MIPOL1: variants seen among roughly 807,000 people sequenced by gnomAD.
MIPOL1 encodes the protein mirror-image polydactyly 1.
In MIPOL1, 57 loss-of-function variants were observed where a neutral mutation model predicts 60.9. The ratio of observed to expected loss-of-function variants is 0.94; its 90% CI spans 0.76 to 1.17. The LOEUF (loss-of-function observed/expected upper bound fraction) is 1.17. Ranked by LOEUF, MIPOL1 falls within the 50% of genes most tolerant of loss-of-function variation. MIPOL1 has a pLI of 0.00. For synonymous variants in MIPOL1, 179 were observed against 168.8 expected (o/e 1.06, Z -0.47); for missense variants, 551 against 511.6 (o/e 1.08, Z -0.74).
At chr14:37,517,049 C>A (rs956691707) in intron 12 of MIPOL1, among the ~76,000 whole-genome samples, 1 of 152,052 alleles carries the variant, frequency 6.6e-6, no homozygotes, top group African/African-American at 2.4e-5. Flanking sequence ...GGGGAGGCAA[C>A]TTAGTATCGA....
chr14:37,356,683 G>A lies in MIPOL1; in HGVS notation c.829-12834G>A, dbSNP rs558816659. On this transcript the variant is annotated intron_variant, in intron 9 of 12. Coordinates refer to ENST00000684589, the MANE Select transcript of MIPOL1 (RefSeq NM_001388067.1). ...TGACCCGATTTTCCAGGTGCCGTCC[G>A]TCACCCCTTTCTTTGACTCGGAAAG... Among the ~76,000 whole-genome samples, 28 of 152,272 alleles carry A rather than the reference G, an allele frequency of 1.8e-4. No individual in the cohort carries two copies. In the South Asian group the frequency reaches 1.9e-3, roughly 10 times the overall value.
At position 37,266,962 on chromosome 14, in the gene MIPOL1, A is replaced by G; in HGVS notation, c.44A>G (p.Gln15Arg). The G allele has an allele frequency of 6.2e-7, 1 of 1,612,780 alleles. No individual in the cohort carries two copies. The highest frequency in any genetic ancestry group is 8.5e-7 in the Non-Finnish European group (1 of 1,179,260). The change falls in exon 4 of 13, where the codon CAA (glutamine) becomes CGA (arginine). Residue 15 changes from glutamine to arginine, a missense_variant. Coordinates refer to ENST00000684589, the MANE Select transcript of MIPOL1 (RefSeq NM_001388067.1). ...SKDITHSYLE[Q>R]ETTGINKSTQ... ...GACATAACCCACAGTTATCTTGAAC[A>G]AGAAACTACGGGGATAAATAAAAGT... is the stretch of plus-strand genomic sequence containing the variant.
intron 3 of MIPOL1, among the ~76,000 whole-genome samples, chr14:37,263,905 T>C (rs1171284957): frequency 6.6e-6 from 1 of 152,210 alleles, no homozygotes; most frequent in Non-Finnish European, 1.5e-5. Flanking sequence ...AAAGTGAATA[T>C]CTTTCTGTTT....
intron 3 of MIPOL1, among the ~76,000 whole-genome samples, chr14:37,254,619 A>G (rs748674494): frequency 2.0e-5 from 3 of 151,802 alleles, no homozygotes; most frequent in Non-Finnish European, 3.0e-5. Context: ...CAGTGAACTA[A>G]TCCATAAATT....
chr14:37,204,654 G>A (rs1326770432), intron 1 of MIPOL1, among the ~76,000 whole-genome samples: 1 of 152,130 alleles, frequency 6.6e-6, no homozygotes, highest in African/African-American at 2.4e-5. Flanking sequence ...GGAACTGCGA[G>A]CCCATTAAAC....
intron 1 of MIPOL1, among the ~76,000 whole-genome samples, chr14:37,241,803 A>G (rs376984578): frequency 6.6e-6 from 1 of 152,180 alleles, no homozygotes; most frequent in East Asian, 1.9e-4. Flanking sequence ...ACAATTGTAA[A>G]TAGTCCCTAA....
At chr14:37,383,770 T>C (rs1433815892) in intron 10 of MIPOL1, among the ~76,000 whole-genome samples, 2 of 152,002 alleles carry the variant, frequency 1.3e-5, no homozygotes, top group African/African-American at 4.8e-5. Context: ...TTTGAGAGGT[T>C]GTAAAATGTA....
intron 6 of MIPOL1, chr14:37,276,420 G>T (rs951475309): frequency 6.6e-6 from 1 of 150,988 alleles, no homozygotes; most frequent in East Asian, 1.9e-4. Flanking sequence ...AGGTTAAAAT[G>T]TAAAGGGTAA....
intron 10 of MIPOL1, among the ~76,000 whole-genome samples, chr14:37,371,124 AT>A (rs71127214): frequency 0.03 from 4,249 of 143,194 alleles, 56 homozygotes; most frequent in Non-Finnish European, 0.033. Flanking sequence ...AGATGGAATA[AT>A]TTTTTTTTTT....
intron 9 of MIPOL1, among the ~76,000 whole-genome samples, chr14:37,337,743 A>T (rs1358703423): frequency 6.6e-6 from 1 of 151,912 alleles, no homozygotes; most frequent in Non-Finnish European, 1.5e-5. Context: ...TCTTTTGCTT[A>T]TTGAGTTGTA....
chr14:37,436,923 G>A (rs2094171771), intron 11 of MIPOL1, among the ~76,000 whole-genome samples: 1 of 152,094 alleles, frequency 6.6e-6, no homozygotes, highest in African/African-American at 2.4e-5. Context: ...AAGTCTGCAA[G>A]GGTCAAAATT....
At chr14:37,473,457 G>T (rs755353915) in intron 11 of MIPOL1, among the ~76,000 whole-genome samples, 5 of 151,982 alleles carry the variant, frequency 3.3e-5, no homozygotes, top group African/African-American at 9.7e-5. Context: ...GGCCATGTTT[G>T]ACTGTTCCTT....
At chr14:37,209,970 C>T (rs934545906) in intron 1 of MIPOL1, among the ~76,000 whole-genome samples, 1 of 151,962 alleles carries the variant, frequency 6.6e-6, no homozygotes, top group African/African-American at 2.4e-5. Flanking sequence ...CTTGGACTCT[C>T]AAAGTACTGA....
At chr14:37,239,040 A>G (rs1387321993) in intron 1 of MIPOL1, among the ~76,000 whole-genome samples, 4 of 148,912 alleles carry the variant, frequency 2.7e-5, no homozygotes, top group Non-Finnish European at 4.4e-5. Flanking sequence ...AGTAGCATAC[A>G]TTGCTTAATT....
At chr14:37,446,678 T>C (rs1448961334) in intron 11 of MIPOL1, among the ~76,000 whole-genome samples, 2 of 152,178 alleles carry the variant, frequency 1.3e-5, no homozygotes, top group Non-Finnish European at 2.9e-5. Flanking sequence ...CCAACCCAAA[T>C]GTCCAACAAT....
intron 9 of MIPOL1, among the ~76,000 whole-genome samples, chr14:37,311,948 T>C (rs936837425): frequency 6.6e-6 from 1 of 152,142 alleles, no homozygotes; most frequent in Admixed American, 6.6e-5. Flanking sequence ...TCATCTTTCC[T>C]TGTATTTTTT....
At chr14:37,519,661 T>C (rs2095397868) in intron 12 of MIPOL1, among the ~76,000 whole-genome samples, 1 of 152,002 alleles carries the variant, frequency 6.6e-6, no homozygotes, top group South Asian at 2.1e-4. Context: ...AAAGACACTG[T>C]TACAGGGGAA....
At chr14:37,223,459 A>G (rs1384458242) in intron 1 of MIPOL1, among the ~76,000 whole-genome samples, 1 of 152,126 alleles carries the variant, frequency 6.6e-6, no homozygotes, top group Non-Finnish European at 1.5e-5. Context: ...CAAAAACTAT[A>G]CTGCCTCTAC....
chr14:37,245,445 T>A (rs1267872315), intron 1 of MIPOL1, among the ~76,000 whole-genome samples: 2 of 152,142 alleles, frequency 1.3e-5, no homozygotes, highest in Non-Finnish European at 2.9e-5. Context: ...AGATATGAAT[T>A]GAAAAATAAG....
Sources: gnomAD v4.1 joint callset for allele counts (sites outside exome capture counted in the v4.1 genomes callset) on GRCh38, gnomAD v4.1.1 for gene constraint, MANE v1.5 for transcripts, NCBI Gene and HGNC (gene_info 2026-07-23, HGNC 2026-07-21) for gene names.